The following MYOM1 variants were observed in gnomAD, a reference collection of about 807,000 sequenced individuals.
The protein encoded by MYOM1 is myomesin 1, also known as myomesin-1.
MYOM1 carries 164 observed loss-of-function variants against 205.3 expected under a neutral mutation model. The observed-to-expected ratio is 0.80, with a 90% CI of 0.70 to 0.91. The LOEUF is 0.91. Among genes scored for constraint, MYOM1 ranks in the 40% least tolerant of loss-of-function variants. The pLI is 0.00. For missense variants in MYOM1, 2,011 were observed against 2,127.3 expected (o/e 0.95, Z 1.08); for synonymous variants, 772 against 789.4 (o/e 0.98, Z 0.37).
chr18:3,169,275 C>T (rs2080519402), intron 8 of MYOM1, among the ~76,000 whole-genome samples: 1 of 152,148 alleles, frequency 6.6e-6, no homozygotes, highest in Non-Finnish European at 1.5e-5. Context: ...ATTAATACCA[C>T]ATTTAGCCTA....
intron 10 of MYOM1, among the ~76,000 whole-genome samples, chr18:3,162,855 C>T (rs1329816667): frequency 6.6e-6 from 1 of 152,030 alleles, no homozygotes; most frequent in East Asian, 1.9e-4. Context: ...GAAACCCCAT[C>T]TCTACTAAAA....
intron 6 of MYOM1, among the ~76,000 whole-genome samples, chr18:3,175,333 G>T (rs530981252): frequency 3.6e-4 from 54 of 152,096 alleles, no homozygotes; most frequent in Non-Finnish European, 5.9e-4. Flanking sequence ...GCACATCATG[G>T]TTTTATCTAA....
rs2079383119 is a variant in MYOM1 at position 3,101,991 on chromosome 18, T to TC, written c.3575+482_3575+483insG. Reference sequence around the variant, plus strand: ...GTGAGCCAATGAGTCAGTCTGGGATTTTTTTTTTTTTTTTTTTTTTTTTTT... The same window carrying TC: ...GTGAGCCAATGAGTCAGTCTGGGATTCTTTTTTTTTTTTTTTTTTTTTTTTT... On this transcript the variant is annotated intron_variant, in intron 23 of 37. Coordinates refer to ENST00000356443, the MANE Select transcript of MYOM1 (RefSeq NM_003803.4). 7.8e-5 allele frequency among the ~76,000 whole-genome samples: 3 copies of TC among 38,298 alleles called. No homozygotes were observed. The South Asian group carries it at 2.8e-3, about 36-fold the overall frequency. The allele number at this position is 38,298 out of a possible 152,430, so 25.1% of individuals were successfully genotyped here. A position where few individuals can be genotyped will look rare whatever the true frequency, so the allele number is the denominator to read the frequency against.
chr18:3,136,025 T>C (rs913216364), intron 14 of MYOM1, among the ~76,000 whole-genome samples: 1 of 152,160 alleles, frequency 6.6e-6, no homozygotes, highest in African/African-American at 2.4e-5. Flanking sequence ...AATTGAATCA[T>C]GGGGGCGGTT....
At chr18:3,098,406 T>C (rs1387742729) in intron 25 of MYOM1, among the ~76,000 whole-genome samples, 1 of 152,034 alleles carries the variant, frequency 6.6e-6, no homozygotes, top group African/African-American at 2.4e-5. Flanking sequence ...GCCTCCTGAG[T>C]AGCTGGGATT....
At chr18:3,105,357 A>G (rs1229541222) in intron 22 of MYOM1, among the ~76,000 whole-genome samples, 2 of 152,242 alleles carry the variant, frequency 1.3e-5, no homozygotes, top group East Asian at 3.8e-4. Flanking sequence ...AGTATACTGC[A>G]TCCAAGAAGG....
the MYOM1 span, among the ~76,000 whole-genome samples, chr18:3,233,072 A>C: frequency 6.6e-6 from 1 of 152,218 alleles, no homozygotes; most frequent in African/African-American, 2.4e-5. Context: ...AGATATATTA[A>C]AGATTTTATG....
chr18:3,131,529 T>G, intron 16 of MYOM1, 33 bp from the exon 17 acceptor site: 1 of 1,600,810 alleles, frequency 6.2e-7, no homozygotes, highest in Non-Finnish European at 8.5e-7. Flanking sequence ...AAAATTTTCC[T>G]AGGAGGAAGA....
intron 19 of MYOM1, among the ~76,000 whole-genome samples, chr18:3,123,492 C>T (rs758374947): frequency 1.8e-4 from 28 of 151,840 alleles, no homozygotes; most frequent in East Asian, 5.8e-4. Flanking sequence ...AAGACCAAAA[C>T]GAATGAAGAA....
At chr18:3,239,055 CCT>C in the MYOM1 span, among the ~76,000 whole-genome samples, 3 of 152,312 alleles carry the variant, frequency 2.0e-5, no homozygotes, top group East Asian at 5.8e-4. Flanking sequence ...TGCTGTGTAA[CCT>C]AACACAATCA....
At chr18:3,191,976 A>G (rs113032321) in intron 3 of MYOM1, among the ~76,000 whole-genome samples, 7,325 of 152,182 alleles carry the variant, frequency 0.048, 542 homozygotes, top group African/African-American at 0.16. Context: ...AATTACAGGC[A>G]TGAGCCACCG....
intron 20 of MYOM1, 66 bp downstream of exon 20, chr18:3,119,803 C>A: frequency 6.5e-7 from 1 of 1,539,734 alleles, no homozygotes; most frequent in Non-Finnish European, 8.8e-7. Flanking sequence ...GAATTTCATT[C>A]CAGGTTGTAG....
intron 17 of MYOM1, 106 bp downstream of exon 17, chr18:3,131,269 A>C (rs146367840): frequency 7.8e-7 from 1 of 1,278,732 alleles, no homozygotes; most frequent in Non-Finnish European, 1.1e-6. Flanking sequence ...GGATGCAATC[A>C]TCCAGCAATA....
rs183751739 is a variant in MYOM1 at position 3,123,006 on chromosome 18, A to G, written c.2992-3011T>C. On this transcript the variant is annotated intron_variant, in intron 19 of 37. Coordinates refer to ENST00000356443, the MANE Select transcript of MYOM1 (RefSeq NM_003803.4). Reference sequence around the variant, plus strand: ...TCACCACTTTAAAAAAAAAGAAGAAAATCTGAGACGGTGTCGTGCTGTGTT... The same window carrying G: ...TCACCACTTTAAAAAAAAAGAAGAAGATCTGAGACGGTGTCGTGCTGTGTT... 7.9e-3 allele frequency among the ~76,000 whole-genome samples: 1,206 copies of G among 152,178 alleles called. 17 individuals carry two copies. The highest frequency in any genetic ancestry group is 0.014 in the South Asian group (69 of 4,822).
chr18:3,095,025 G>T (rs1163075327), intron 25 of MYOM1, among the ~76,000 whole-genome samples: 2 of 151,980 alleles, frequency 1.3e-5, no homozygotes, highest in Non-Finnish European at 2.9e-5. Context: ...ATATTTCTTT[G>T]TATTTATTTT....
chr18:3,151,819 C>CA lies in MYOM1; in HGVS notation c.1717_1718insT (p.Gly573ValfsTer17). 1 of 1,613,838 alleles carries CA rather than the reference C, an allele frequency of 6.2e-7. No homozygotes were observed. Among genetic ancestry groups the CA allele is most frequent in the South Asian group, 1.1e-5 (1 of 91,070 alleles). On this transcript the variant is annotated frameshift_variant, in exon 12 of 38. Transcript: ENST00000356443. LOFTEE classifies it high-confidence loss of function. ...GATATAGGAACGACCTTCGATCAAT[C>CA]CAGTGACAGGAAAACGAGCAAACTT...
At chr18:3,106,356 A>G (rs532021600) in intron 22 of MYOM1, among the ~76,000 whole-genome samples, 1 of 152,210 alleles carries the variant, frequency 6.6e-6, no homozygotes, top group South Asian at 2.1e-4. Flanking sequence ...TTGCCTTTTT[A>G]AATAAAAGAT....
At chr18:3,222,881 A>ATT (rs111681384), upstream of MYOM1, among the ~76,000 whole-genome samples, 1 of 150,110 alleles carries the variant, frequency 6.7e-6, no homozygotes, top group Non-Finnish European at 1.5e-5. Flanking sequence ...CTAAATCTCA[A>ATT]TTTTTTTTTT....
rs1019942512 is a variant in MYOM1 at position 3,194,078 on chromosome 18, C to A, written c.291-120G>T. ...ACCAAATCCTAGATCTCTAATGTTA[C>A]AATTATCTCTTATCTTTAGAATTAA... On this transcript the variant is annotated intron_variant, in intron 2 of 37. Coordinates refer to ENST00000356443, the MANE Select transcript of MYOM1 (RefSeq NM_003803.4). 9.4e-6 allele frequency: 9 copies of A among 957,442 alleles called. No individual in the cohort carries two copies. In the African/African-American group the frequency reaches 1.3e-4, roughly 14 times the overall value. The allele number at this position is 957,442 out of a possible 1,614,324, so 59.3% of individuals were successfully genotyped here.
Sources: gnomAD v4.1 joint callset for allele counts (sites outside exome capture counted in the v4.1 genomes callset) on GRCh38, gnomAD v4.1.1 for gene constraint, MANE v1.5 for transcripts, NCBI Gene and HGNC (gene_info 2026-07-23, HGNC 2026-07-21) for gene names.